Variants in SMARCA4 observed in about 807,000 individuals in gnomAD.
The protein encoded by SMARCA4 is SWI/SNF-related matrix-associated actin-dependent regulator of chromatin subfamily A member 4.
SMARCA4 carries 31 observed loss-of-function variants against 193.9 expected under a neutral mutation model. The observed-to-expected ratio is 0.16, with a 90% CI of 0.12 to 0.22. SMARCA4 has a LOEUF of 0.22. Ranked by LOEUF, SMARCA4 falls within the 10% of genes least tolerant of loss-of-function variation. The probability of loss-of-function intolerance (pLI) is 1.00; values close to 1 mark genes in which losing one functional copy is unlikely to be tolerated. For missense variants in SMARCA4, 1,148 were observed against 2,296.0 expected (o/e 0.50, Z 10.22); for synonymous variants, 942 against 933.1 (o/e 1.01, Z -0.17).
rs145330454 is a variant in SMARCA4, at chr19:10,977,120, T to C, written c.-31-7001T>C. 9.1e-3 allele frequency among the ~76,000 whole-genome samples: 1,380 copies of C among 152,268 alleles called. 26 individuals are homozygous for C. The highest frequency in any genetic ancestry group is 0.032 in the African/African-American group (1,328 of 41,548). On this transcript the variant is annotated intron_variant, in intron 1 of 34. Transcript: ENST00000344626. ...TGGCAGCCGGCCAAATCTGTGTGCA[T>C]TGCTTGCCAGGGTGGGCGTGTCATG...
chr19:10,979,892 C>T (rs911351833), intron 1 of SMARCA4, among the ~76,000 whole-genome samples: 14 of 152,058 alleles, frequency 9.2e-5, no homozygotes, highest in African/African-American at 1.7e-4. Context: ...GGATGTCTGA[C>T]GCAGTGTTCT....
intron 1 of SMARCA4, among the ~76,000 whole-genome samples, chr19:10,978,621 C>T (rs932832547): frequency 2.6e-5 from 4 of 151,566 alleles, no homozygotes; most frequent in Admixed American, 6.6e-5. Context: ...CCATCACGCC[C>T]GGCCGATACT....
chr19:11,059,980 C>T (rs922631687), intron 33 of SMARCA4, 65 bp from the exon 34 acceptor site: 37 of 1,611,334 alleles, frequency 2.3e-5, no homozygotes, highest in Non-Finnish European at 3.0e-5. Context: ...TCCCAGACGC[C>T]CCTTGCTGTG....
rs1404558986 is a variant in SMARCA4, at chr19:10,986,951, C to T, written c.807C>T (p.Pro269=). 1 of 1,610,838 alleles carries T rather than the reference C, an allele frequency of 6.2e-7. No individual in the cohort carries two copies. The highest frequency in any genetic ancestry group is 1.7e-4 in the Middle Eastern group (1 of 6,060). ...NMPPPGPSGV[P]PGMPGQPPGG... is the part of the protein sequence containing the mutation. ...CTCCCCCAGGACCCTCGGGCGTGCC[C>T]CCCGGGATGCCAGGCCAGCCTCCTG... is the stretch of plus-strand genomic sequence containing the variant. Residue 269 remains proline (P), a synonymous_variant, in exon 5 of 35, where the codon CCC becomes CCT. Transcript: ENST00000344626. The surrounding 1 kb of genome is among the most constrained non-coding windows in gnomAD (Gnocchi z 6.7).
At chr19:11,013,703 C>T (rs1344012225) in intron 16 of SMARCA4, among the ~76,000 whole-genome samples, 1 of 152,160 alleles carries the variant, frequency 6.6e-6, no homozygotes, top group South Asian at 2.1e-4. Flanking sequence ...AGACAAGAAC[C>T]TCCCACTAGA....
Position 10,998,377 on chromosome 19 carries a change from CA to C in SMARCA4, c.1812+1835del, listed in dbSNP as rs1025238154. 3.0e-4 allele frequency among the ~76,000 whole-genome samples: 45 copies of C among 152,208 alleles called. 1 individual carries two copies. Among genetic ancestry groups the C allele is most frequent in the Admixed American group, 2.6e-3 (40 of 15,296 alleles). ...GGTGATGCTGACTTTGAACCCCTGC[CA>C]AGGGATCTCCACTGTCCAGTTACTG... On this transcript the variant is annotated intron_variant, in intron 11 of 34. Coordinates refer to ENST00000344626, the MANE Select transcript of SMARCA4 (RefSeq NM_003072.5).
chr19:11,012,864 C>T (rs969623939), intron 15 of SMARCA4, 85 bp from the exon 16 acceptor site: 78 of 1,279,446 alleles, frequency 6.1e-5, no homozygotes, highest in Admixed American at 1.0e-4. Flanking sequence ...TCGTGGCTGG[C>T]GGTGTCTTGA....
At chr19:10,979,064 T>C (rs2085360005) in intron 1 of SMARCA4, among the ~76,000 whole-genome samples, 1 of 152,136 alleles carries the variant, frequency 6.6e-6, no homozygotes, top group African/African-American at 2.4e-5. Context: ...GAAGATGCGA[T>C]TGGACATTGG....
At position 11,008,002 on chromosome 19, in the gene SMARCA4, T is replaced by C. The variant is rs1307425251; in HGVS notation, c.2102T>C (p.Val701Ala). ...PDPDSDDVSEVDARHIIENAK... is the reference protein window; with the variant it reads ...PDPDSDDVSEADARHIIENAK... ...CCAGACAGCGATGACGTCTCTGAGG[T>C]GGACGCGCGGCACATCATTGAGTAA... The change falls in exon 14 of 35, where the codon GTG becomes GCG. Residue 701 changes from valine to alanine, a missense_variant. By Grantham distance (64) the Val-to-Ala change is moderately conservative (BLOSUM62 0). Around this residue, in one of 17 missense-constraint regions of SMARCA4, gnomAD observed 115 missense variants for 175.1 expected, o/e 0.66. Transcript: ENST00000344626. 1.2e-6 allele frequency: 2 copies of C among 1,613,458 alleles called. No homozygotes were observed. The highest frequency in any genetic ancestry group is 1.7e-6 in the Non-Finnish European group (2 of 1,179,646).
chr19:10,978,865 C>T (rs1378190527), intron 1 of SMARCA4, among the ~76,000 whole-genome samples: 1 of 152,014 alleles, frequency 6.6e-6, no homozygotes, highest in Non-Finnish European at 1.5e-5. Flanking sequence ...ACGATAATCG[C>T]TTGAACCTAG....
intron 1 of SMARCA4, among the ~76,000 whole-genome samples, chr19:10,967,355 G>C (rs1162497310): frequency 6.6e-6 from 1 of 151,888 alleles, no homozygotes; most frequent in East Asian, 1.9e-4. Flanking sequence ...CTGTCGCCCA[G>C]GCTGGAGTGC....
chr19:10,985,536 C>A lies in SMARCA4; in HGVS notation c.355+131C>A. 9.0e-7 allele frequency: 1 copy of A among 1,105,052 alleles called. No individual in the cohort carries two copies. The highest frequency in any genetic ancestry group is 1.3e-6 in the Non-Finnish European group (1 of 754,566). The allele number at this position is 1,105,052 out of a possible 1,614,324, so 68.5% of individuals were successfully genotyped here. ...ATGATGTAGCCGGGTGGGTGGCCCG[C>A]CACAGAGAGCTGTCTGGCATGGCGT... On this transcript the variant is annotated intron_variant, in intron 3 of 34. Coordinates refer to ENST00000344626, the MANE Select transcript of SMARCA4 (RefSeq NM_003072.5). This position sits in a 1 kb window ranked among gnomAD's most constrained non-coding sequence, Gnocchi z 4.5.
rs2146824567 is a variant in SMARCA4 at position 11,041,577 on chromosome 19, G to A, written c.4424+17G>A. ...CAAGGACAGGTAAGCGAGGAGGCGG[G>A]GAGGGCGGGGGCTGTAGGGGTCCCC... On this transcript the variant is annotated intron_variant, in intron 30 of 34. Coordinates refer to ENST00000344626, the MANE Select transcript of SMARCA4 (RefSeq NM_003072.5). This position sits in a 1 kb window ranked among gnomAD's most constrained non-coding sequence, Gnocchi z 5.6. 1.2e-6 allele frequency: 2 copies of A among 1,609,922 alleles called. No homozygotes were observed. Among genetic ancestry groups the A allele is most frequent in the Non-Finnish European group, 1.7e-6 (2 of 1,178,950 alleles).
At chr19:11,003,423 A>G (rs2146110749) in intron 13 of SMARCA4, 26 bp downstream of exon 13, 1 of 1,603,616 alleles carries the variant, frequency 6.2e-7, no homozygotes. Context: ...CTGGCTTTCA[A>G]GGCTCTCAGT....
rs1374899520 is a variant in SMARCA4 at position 11,033,692 on chromosome 19, T to C, written c.3775-75T>C. 3.9e-6 allele frequency: 3 copies of C among 776,716 alleles called. No homozygotes were observed. The highest frequency in any genetic ancestry group is 7.1e-6 in the Non-Finnish European group (3 of 419,960). 48.1% of individuals were successfully genotyped at this position (776,716 alleles called of 1,614,324 possible). On this transcript the variant is annotated intron_variant, in intron 26 of 34. Coordinates refer to ENST00000344626, the MANE Select transcript of SMARCA4 (RefSeq NM_003072.5). This position sits in a 1 kb window ranked among gnomAD's most constrained non-coding sequence, Gnocchi z 9.8. ...AGTACTTGCTTTTTCTTTGAAGTGG[T>C]TTTTTTTTCTAAACTGCTGGTGAAA...
At chr19:11,000,978 G>T (rs915369602) in intron 11 of SMARCA4, among the ~76,000 whole-genome samples, 7 of 152,046 alleles carry the variant, frequency 4.6e-5, no homozygotes, top group African/African-American at 1.7e-4. Context: ...ACTTGCTGCT[G>T]CTTGTGGGTT....
chr19:11,006,880 T>G (rs1568461058), intron 13 of SMARCA4, among the ~76,000 whole-genome samples: 1 of 150,924 alleles, frequency 6.6e-6, no homozygotes, highest in Non-Finnish European at 1.5e-5. Flanking sequence ...AGCTCAGGAG[T>G]TTGAGACCAG....
In SMARCA4 at chr19:10,966,419, C is replaced by T. The variant is rs558635451; in HGVS notation, c.-32+5245C>T. ...CAGCCTGGGCAGCATGGCGAAACCCCGTCTCTACAGAAAAGTTAAAAAATT... is the reference window on the plus strand; with the variant it reads ...CAGCCTGGGCAGCATGGCGAAACCCTGTCTCTACAGAAAAGTTAAAAAATT... On this transcript the variant is annotated intron_variant, in intron 1 of 34. Transcript: ENST00000344626. Among the ~76,000 whole-genome samples the T allele has an allele frequency of 1.1e-4, 16 of 152,094 alleles. No homozygotes were observed. In the South Asian group the frequency reaches 2.5e-3, roughly 24 times the overall value.
intron 1 of SMARCA4, among the ~76,000 whole-genome samples, chr19:10,977,447 C>T (rs968740993): frequency 1.3e-5 from 2 of 152,118 alleles, no homozygotes; most frequent in African/African-American, 2.4e-5. Flanking sequence ...CCCCAGCCTC[C>T]CGAGTAGCTG....
Sources: gnomAD v4.1 joint callset for allele counts (sites outside exome capture counted in the v4.1 genomes callset) on GRCh38, gnomAD v4.1.1 for gene constraint, gnomAD v4.1.1 regional missense constraint, Gnocchi (gnomAD v3.1) non-coding constraint, MANE v1.5 for transcripts, NCBI Gene and HGNC (gene_info 2026-07-23, HGNC 2026-07-21) for gene names.